Variants in PRDM5 observed in about 807,000 individuals in gnomAD.
The protein encoded by PRDM5 is PR/SET domain 5, also known as PR domain zinc finger protein 5.
Under a neutral mutation model 81.2 loss-of-function variants are expected in PRDM5, and 56 were observed. The observed-to-expected ratio is 0.69, with a 90% CI of 0.56 to 0.86. The LOEUF is 0.86. Ranked by LOEUF, PRDM5 falls within the 40% of genes least tolerant of loss-of-function variation. The probability of loss-of-function intolerance (pLI) is 0.00; values close to 1 mark genes in which losing one functional copy is unlikely to be tolerated. For synonymous variants in PRDM5, 267 were observed against 256.4 expected, an observed-to-expected ratio of 1.04 and a Z score of -0.39; for missense variants, 697 against 770.1, an observed-to-expected ratio of 0.91 and a Z score of 1.12.
intron 3 of PRDM5, among the ~76,000 whole-genome samples, chr4:120,821,626 G>T (rs189072640): frequency 6.6e-6 from 1 of 152,020 alleles, no homozygotes; most frequent in African/African-American, 2.4e-5. Flanking sequence ...CCTTATGCAA[G>T]CAACACTTTG....
chr4:120,844,845 T>C (rs996599309), intron 3 of PRDM5, among the ~76,000 whole-genome samples: 2 of 152,258 alleles, frequency 1.3e-5, no homozygotes, highest in Non-Finnish European at 2.9e-5. Flanking sequence ...AGCCAAGTTA[T>C]AAATGCAGAG....
At chr4:120,809,605 C>A (rs191989297) in intron 8 of PRDM5, among the ~76,000 whole-genome samples, 15 of 152,100 alleles carry the variant, frequency 9.9e-5, no homozygotes, top group African/African-American at 3.1e-4. Flanking sequence ...TCATAATATA[C>A]CTTATCATTA....
chr4:120,818,554 A>T (rs1561370233), intron 4 of PRDM5, 27 bp from the exon 5 acceptor site: 1 of 1,595,214 alleles, frequency 6.3e-7, no homozygotes, highest in Non-Finnish European at 8.6e-7. Flanking sequence ...AAACATATTC[A>T]TGAGACAAAA....
intron 4 of PRDM5, 119 bp from the exon 5 acceptor site, chr4:120,818,646 T>G: frequency 1.2e-6 from 1 of 860,402 alleles, no homozygotes; most frequent in Non-Finnish European, 1.9e-6. Context: ...TATGAATAAA[T>G]TCTTATTATC....
Position 120,889,883 on chromosome 4 carries a change from C to A in PRDM5, c.177+17591G>T, listed in dbSNP as rs181090837. ...ACCCATGTTGCTACAAAGGCATGAT[C>A]TAGTTCTTTTTTATGGCTGCATAGT... On this transcript the variant is annotated intron_variant, in intron 2 of 15. Coordinates refer to ENST00000264808, the MANE Select transcript of PRDM5 (RefSeq NM_018699.4). 5.3e-5 allele frequency among the ~76,000 whole-genome samples: 8 copies of A among 152,248 alleles called. No homozygotes were observed. In the East Asian group the frequency reaches 1.5e-3, roughly 29 times the overall value.
chr4:120,807,546 G>T (rs1216775994), intron 8 of PRDM5, among the ~76,000 whole-genome samples: 1 of 152,244 alleles, frequency 6.6e-6, no homozygotes, highest in Non-Finnish European at 1.5e-5. Flanking sequence ...AAAAGGATGA[G>T]TTCATGTCCT....
At chr4:120,804,762 T>C (rs1024357477) in intron 8 of PRDM5, among the ~76,000 whole-genome samples, 4 of 152,066 alleles carry the variant, frequency 2.6e-5, no homozygotes, top group African/African-American at 7.2e-5. Context: ...AGATCTAAAA[T>C]TGACACCCTA....
downstream of PRDM5, among the ~76,000 whole-genome samples, chr4:120,688,207 T>A (rs559192132): frequency 6.6e-6 from 1 of 152,256 alleles, no homozygotes; most frequent in Admixed American, 6.6e-5. Context: ...ATAGTGGTTT[T>A]GATTTGCATT....
chr4:120,774,196 A>G (rs952309473), intron 13 of PRDM5, among the ~76,000 whole-genome samples: 3 of 152,138 alleles, frequency 2.0e-5, no homozygotes, highest in African/African-American at 7.2e-5. Context: ...TCCACAGAGG[A>G]GCTGTCCTCT....
At chr4:120,880,793 A>G (rs1762770449) in intron 2 of PRDM5, among the ~76,000 whole-genome samples, 2 of 152,192 alleles carry the variant, frequency 1.3e-5, no homozygotes, top group Non-Finnish European at 2.9e-5. Context: ...CTACATTGAC[A>G]AAGCTGGTTC....
chr4:120,834,361 T>C (rs2667170), intron 3 of PRDM5, among the ~76,000 whole-genome samples: 117,318 of 151,960 alleles, frequency 0.77, 45,544 homozygotes, highest in East Asian at 0.87. Context: ...CCTTATAAAA[T>C]GGGCCCTAGA....
At chr4:120,711,805 T>A (rs1578440331) in intron 14 of PRDM5, among the ~76,000 whole-genome samples, 1 of 152,078 alleles carries the variant, frequency 6.6e-6, no homozygotes, top group Admixed American at 6.5e-5. Context: ...ATCTAAGTTT[T>A]ATCACCATCT....
intron 10 of PRDM5, among the ~76,000 whole-genome samples, chr4:120,793,683 T>C (rs567864751): frequency 2.6e-5 from 4 of 152,250 alleles, no homozygotes; most frequent in Non-Finnish European, 5.9e-5. Context: ...GTGTATGACA[T>C]GTTTAGTGAA....
chr4:120,748,933 G>A (rs957401804), intron 14 of PRDM5, among the ~76,000 whole-genome samples: 2 of 152,084 alleles, frequency 1.3e-5, no homozygotes, highest in Non-Finnish European at 2.9e-5. Flanking sequence ...GACTGAATGG[G>A]GGAGCTAACT....
intron 15 of PRDM5, among the ~76,000 whole-genome samples, chr4:120,706,512 G>T (rs1413475976): frequency 6.6e-6 from 1 of 152,000 alleles, no homozygotes; most frequent in Non-Finnish European, 1.5e-5. Flanking sequence ...CATGATTTCA[G>T]TTTGGAGTAC....
At chr4:120,907,389 C>A in intron 2 of PRDM5, 85 bp downstream of exon 2, 3 of 1,050,788 alleles carry the variant, frequency 2.9e-6, no homozygotes, top group Non-Finnish European at 4.4e-6. Flanking sequence ...TAACTGGAAT[C>A]AATATCAATT....
chr4:120,763,926 T>A (rs1305923969), intron 13 of PRDM5, among the ~76,000 whole-genome samples: 2 of 146,108 alleles, frequency 1.4e-5, no homozygotes, highest in Admixed American at 1.4e-4. Context: ...CTAGAGAAGA[T>A]TAAAAAAAAA....
chr4:120,712,583 C>T (rs1163474904), intron 14 of PRDM5, among the ~76,000 whole-genome samples: 3 of 152,100 alleles, frequency 2.0e-5, no homozygotes, highest in Non-Finnish European at 2.9e-5. Flanking sequence ...ATTCCCTTGC[C>T]TTTCTCTACA....
intron 2 of PRDM5, among the ~76,000 whole-genome samples, chr4:120,861,495 T>A (rs755354769): frequency 2.0e-5 from 3 of 152,056 alleles, no homozygotes; most frequent in Non-Finnish European, 4.4e-5. Context: ...CTTGATGGTG[T>A]TTTTAGAAAA....
Sources: gnomAD v4.1 joint callset for allele counts (sites outside exome capture counted in the v4.1 genomes callset) on GRCh38, gnomAD v4.1.1 for gene constraint, MANE v1.5 for transcripts, NCBI Gene and HGNC (gene_info 2026-07-23, HGNC 2026-07-21) for gene names.